TMEM147: variants seen among roughly 807,000 people sequenced by gnomAD.
TMEM147 encodes the protein transmembrane protein 147.
In TMEM147, 29 loss-of-function variants were observed where a neutral mutation model predicts 29.4. The observed-to-expected ratio is 0.99, with a 90% confidence interval of 0.73 to 1.34. TMEM147 has a LOEUF of 1.34. TMEM147 is among the 40% of genes most tolerant of loss of function. TMEM147 has a pLI of 0.00. For synonymous variants in TMEM147, 121 were observed against 111.8 expected, an observed-to-expected ratio of 1.08 and a Z score of -0.52; for missense variants, 260 against 289.4, an observed-to-expected ratio of 0.90 and a Z score of 0.74.
chr19:35,547,478 TC>T lies in TMEM147; in HGVS notation c.*34del. 6.2e-7 allele frequency: 1 copy of T among 1,606,920 alleles called. No homozygotes were observed. On this transcript the variant is annotated 3_prime_UTR_variant, in exon 7 of 7. Transcript: ENST00000222284. ...GTGTCTCAGACATTGATGTACCTTTTCCCTGCCTCACTCCAGGTTTTAGTGA... is the reference window on the plus strand; with the variant it reads ...GTGTCTCAGACATTGATGTACCTTTTCCTGCCTCACTCCAGGTTTTAGTGA...
rs536848204 is a variant in TMEM147 at position 35,546,221 on chromosome 19, C to T, written c.147+264C>T. 6.8e-5 allele frequency: 41 copies of T among 602,350 alleles called. No individual in the cohort carries two copies. In the East Asian group the frequency reaches 1.0e-3, roughly 15 times the overall value. The allele number at this position is 602,350 out of a possible 1,614,324, so 37.3% of individuals were successfully genotyped here. On this transcript the variant is annotated intron_variant, in intron 2 of 6. Transcript: ENST00000222284. ...GTTGGCTAACAGGTTTTTTTTGGTG[C>T]GGTTAAGAGTGATCACTGATTCCGT...
intron 3 of TMEM147, 21 bp downstream of exon 3, chr19:35,546,606 GA>G: frequency 6.2e-7 from 1 of 1,611,626 alleles, no homozygotes; most frequent in Admixed American, 1.7e-5. Context: ...CCAGGGAAGG[GA>G]AGGGAGTTCA....
chr19:35,546,825 G>A lies in TMEM147; in HGVS notation c.344+17G>A. On this transcript the variant is annotated intron_variant, in intron 4 of 6. Transcript: ENST00000222284. The stretch of plus-strand genomic sequence containing the variant: ...TATGTCCCGGTGCGTACAGCAGCCT[G>A]GAGCCCAGACCCCTGAGAAGGGACA... The A allele has an allele frequency of 6.2e-7, 1 of 1,614,190 alleles. No individual in the cohort carries two copies. The highest frequency in any genetic ancestry group is 8.5e-7 in the Non-Finnish European group (1 of 1,180,054).
Position 35,546,963 on chromosome 19 carries a change from CGGAG to C in TMEM147, c.364_367del (p.Gly122ProfsTer13). The stretch of plus-strand genomic sequence containing the variant: ...TCCTCAGCTGCATTCCCCTATGGGT[CGGAG>C]CCCGGGGCATTGAGTTTGACTGGAA... On this transcript the variant is annotated frameshift_variant, in exon 5 of 7. Transcript: ENST00000222284. LOFTEE classifies it high-confidence loss of function. 6.2e-7 allele frequency: 1 copy of C among 1,614,140 alleles called. No homozygotes were observed. The highest frequency in any genetic ancestry group is 8.5e-7 in the Non-Finnish European group (1 of 1,180,026).
chr19:35,547,098 C>G, intron 5 of TMEM147, 21 bp from the exon 6 acceptor site: 1 of 1,614,202 alleles, frequency 6.2e-7, no homozygotes, highest in Non-Finnish European at 8.5e-7. Flanking sequence ...GGCCTGGCCC[C>G]GACTTTCTGC....
chr19:35,546,183 C>T, intron 2 of TMEM147: 1 of 623,766 alleles, frequency 1.6e-6, no homozygotes, highest in South Asian at 2.0e-5. Flanking sequence ...ACTGAGAAAA[C>T]CTCAGTAGTG....
rs1205234431 is a variant in TMEM147 at position 35,546,826 on chromosome 19, G to T, written c.344+18G>T. ...ATGTCCCGGTGCGTACAGCAGCCTG[G>T]AGCCCAGACCCCTGAGAAGGGACAC... On this transcript the variant is annotated intron_variant, in intron 4 of 6. Coordinates refer to ENST00000222284, the MANE Select transcript of TMEM147 (RefSeq NM_032635.4). The T allele has an allele frequency of 6.2e-7, 1 of 1,614,174 alleles. No homozygotes were observed. Among genetic ancestry groups the T allele is most frequent in the South Asian group, 1.1e-5 (1 of 91,080 alleles).
intron 5 of TMEM147, 30 bp from the exon 6 acceptor site, chr19:35,547,089 G>T (rs748660782): frequency 1.4e-5 from 23 of 1,614,048 alleles, no homozygotes; most frequent in Non-Finnish European, 1.9e-5. Context: ...CCTCCCCAAG[G>T]CCTGGCCCCG....
In TMEM147 at chr19:35,546,556, T is replaced by G; in HGVS notation, c.178T>G (p.Trp60Gly). ...MLFLATFFPT[W>G]EGGIYDFIGE... ...GTTCTTGGCCACTTTCTTTCCCACC[T>G]GGGAAGGCGGCATCTATGACTTCAT... Residue 60 changes from tryptophan (W) to glycine (G), a missense_variant, in exon 3 of 7, where the codon TGG (tryptophan) becomes GGG (glycine). Transcript: ENST00000222284. 6.2e-7 allele frequency: 1 copy of G among 1,613,518 alleles called. No homozygotes were observed.
At chr19:35,546,408 A>G (rs1007858150) in intron 2 of TMEM147, 118 bp from the exon 3 acceptor site, 2 of 1,213,868 alleles carry the variant, frequency 1.6e-6, no homozygotes, top group Non-Finnish European at 1.1e-6. Flanking sequence ...TTCCTCTTCC[A>G]GATGGGCCCC....
chr19:35,546,443 A>C, intron 2 of TMEM147, 83 bp from the exon 3 acceptor site: 1 of 1,503,150 alleles, frequency 6.7e-7, no homozygotes, highest in Non-Finnish European at 9.0e-7. Flanking sequence ...CCCTCTTCCT[A>C]CCCACGAACT....
Position 35,547,469 on chromosome 19 carries a change from T to C in TMEM147, c.*22T>C, listed in dbSNP as rs780579796. On this transcript the variant is annotated 3_prime_UTR_variant, in exon 7 of 7. Transcript: ENST00000222284. ...CTAGGCTTGGTGTCTCAGACATTGA[T>C]GTACCTTTTCCCTGCCTCACTCCAG... is the stretch of plus-strand genomic sequence containing the variant. 1.2e-6 allele frequency: 2 copies of C among 1,609,400 alleles called. No homozygotes were observed. Among genetic ancestry groups the C allele is most frequent in the Non-Finnish European group, 8.5e-7 (1 of 1,177,220 alleles).
chr19:35,546,748 G>C lies in TMEM147; in HGVS notation c.284G>C (p.Gly95Ala), dbSNP rs2071562355. 6.2e-7 allele frequency: 1 copy of C among 1,614,232 alleles called. No individual in the cohort carries two copies. Among genetic ancestry groups the C allele is most frequent in the African/African-American group, 1.3e-5 (1 of 75,066 alleles). The change falls in exon 4 of 7, where the codon GGA becomes GCA. Residue 95 changes from glycine (G) to alanine (A), a missense_variant. By Grantham distance (60) the Gly-to-Ala change is moderately conservative. Transcript: ENST00000222284. ...GTCATGTCCCGGAATGCCGGCAAGG[G>C]AGAGTACAAGATCATGGTTGCTGCC... ...NLVMSRNAGK[G>A]EYKIMVAALG...
rs2071570308 is a variant in TMEM147, at chr19:35,547,196, C to T, written c.507C>T (p.Val169=). The stretch of plus-strand genomic sequence containing the variant: ...TGTACCACACCTTCCGGCCAGCTGT[C>T]CTCCTGCTGATGTTCCTCAGTGTCT... The part of the protein sequence containing the change: ...YDLYHTFRPA[V]LLLMFLSVYK... The change falls in exon 6 of 7, where the codon GTC becomes GTT. Residue 169 remains valine (V), a synonymous_variant. Coordinates refer to ENST00000222284, the MANE Select transcript of TMEM147 (RefSeq NM_032635.4). 3 of 1,614,206 alleles carry T rather than the reference C, an allele frequency of 1.9e-6. No homozygotes were observed. The highest frequency in any genetic ancestry group is 2.5e-6 in the Non-Finnish European group (3 of 1,180,034).
At chr19:35,546,459 C>T in intron 2 of TMEM147, 67 bp from the exon 3 acceptor site, 1 of 1,545,228 alleles carries the variant, frequency 6.5e-7, no homozygotes, top group Non-Finnish European at 8.8e-7. Flanking sequence ...GAACTTCCCA[C>T]AAATCCCACG....
At chr19:35,545,988 G>A in intron 2 of TMEM147, 31 bp downstream of exon 2, 1 of 1,606,950 alleles carries the variant, frequency 6.2e-7, no homozygotes, top group Non-Finnish European at 8.5e-7. Flanking sequence ...ACGTGTTCTG[G>A]CCCCCAGGCT....
rs201094815 is a variant in TMEM147 at position 35,547,282 on chromosome 19, G to A, written c.551+42G>A. 1.5e-4 allele frequency: 237 copies of A among 1,613,964 alleles called. No homozygotes were observed. The highest frequency in any genetic ancestry group is 1.9e-4 in the Non-Finnish European group (230 of 1,180,018). ...TTAGGGCTGGGTCCAAAGTGGGGTG[G>A]GTTATCTAGTCTCCCTTCCTTATTG... On this transcript the variant is annotated intron_variant, in intron 6 of 6. Transcript: ENST00000222284.
In TMEM147 at chr19:35,546,321, A is replaced by C. The variant is rs181445157; in HGVS notation, c.148-205A>C. 3.5e-3 allele frequency: 2,248 copies of C among 636,630 alleles called. 10 individuals carry two copies. Among genetic ancestry groups the C allele is most frequent in the Non-Finnish European group, 4.7e-3 (1,751 of 372,214 alleles). 39.4% of individuals were successfully genotyped at this position (636,630 alleles called of 1,614,324 possible). On this transcript the variant is annotated intron_variant, in intron 2 of 6. Coordinates refer to ENST00000222284, the MANE Select transcript of TMEM147 (RefSeq NM_032635.4). ...ATGCCCTGTGATCACCCAGAACTCA[A>C]ACTTCCAGCCCCCTCGGGGACCCGG...
chr19:35,546,245 G>A (rs2071555483), intron 2 of TMEM147: 2 of 598,022 alleles, frequency 3.3e-6, no homozygotes, highest in Non-Finnish European at 5.9e-6. Flanking sequence ...CACTGATTCC[G>A]TACGTGCTGC....
Sources: gnomAD v4.1 joint callset for allele counts on GRCh38, gnomAD v4.1.1 for gene constraint, MANE v1.5 for transcripts, NCBI Gene and HGNC (gene_info 2026-07-23, HGNC 2026-07-21) for gene names.